The following FCN2 variants were observed in gnomAD, a reference collection of about 807,000 sequenced individuals.
The protein encoded by FCN2 is ficolin 2, also known as ficolin-2.
Under a neutral mutation model 32.5 loss-of-function variants are expected in FCN2, and 31 were observed. The observed-to-expected ratio is 0.96, with a 90% CI of 0.72 to 1.29. The LOEUF (loss-of-function observed/expected upper bound fraction) is 1.29, where lower values mean the gene tolerates loss of function less well. Among genes scored for constraint, FCN2 ranks in the 50% most tolerant of loss-of-function variants. The pLI is 0.00. For missense variants in FCN2, 412 were observed against 406.5 expected, an observed-to-expected ratio of 1.01 and a Z score of -0.12; for synonymous variants, 181 against 164.5, an observed-to-expected ratio of 1.10 and a Z score of -0.77.
upstream of FCN2, among the ~76,000 whole-genome samples, chr9:134,879,965 C>T (rs537459361): frequency 1.3e-5 from 2 of 152,212 alleles, no homozygotes; most frequent in African/African-American, 4.8e-5. Context: ...CAGTCCAAGG[C>T]GAGAGTGCAC....
In FCN2 at chr9:134,885,969, G is replaced by T. The variant is rs1588645559; in HGVS notation, c.559+72G>T. Reference sequence around the variant, plus strand: ...TGCCCCTGCCTCTTGGGCCTGGGCTGCCTGGAACACAAGAGCCTCTTGGCC... The same window carrying T: ...TGCCCCTGCCTCTTGGGCCTGGGCTTCCTGGAACACAAGAGCCTCTTGGCC... On this transcript the variant is annotated intron_variant, in intron 6 of 7. Coordinates refer to ENST00000291744, the MANE Select transcript of FCN2 (RefSeq NM_004108.3). 7 of 1,476,590 alleles carry T rather than the reference G, an allele frequency of 4.7e-6. No homozygotes were observed. The East Asian group carries it at 1.4e-4, about 29-fold the overall frequency. 91.5% of individuals were successfully genotyped at this position (1,476,590 alleles called of 1,614,324 possible).
At chr9:134,870,554 G>T in the FCN2 span, among the ~76,000 whole-genome samples, 5 of 152,134 alleles carry the variant, frequency 3.3e-5, no homozygotes, top group African/African-American at 9.7e-5. The surrounding 1 kb of genome is among the most constrained non-coding windows in gnomAD (Gnocchi z 4.3). Flanking sequence ...GCCCTCGGGG[G>T]GTGCCCTGGG....
chr9:134,879,378 A>G (rs943100157), upstream of FCN2, among the ~76,000 whole-genome samples: 37 of 152,166 alleles, frequency 2.4e-4, no homozygotes, highest in Admixed American at 2.3e-3. Flanking sequence ...TAAGTCATCT[A>G]GGTTTGAAAG....
chr9:134,879,830 G>T (rs1022094666), upstream of FCN2, among the ~76,000 whole-genome samples: 2 of 152,166 alleles, frequency 1.3e-5, no homozygotes, highest in Admixed American at 1.3e-4. Context: ...TCGGCATCCC[G>T]ATGGCAGCAG....
chr9:134,882,373 C>T (rs1389679759), intron 1 of FCN2, among the ~76,000 whole-genome samples, 153 bp from the exon 2 acceptor site: 1 of 152,240 alleles, frequency 6.6e-6, no homozygotes, highest in Non-Finnish European at 1.5e-5. Context: ...CCAGGTGACC[C>T]TCCAGCTGAG....
At chr9:134,877,817 G>C (rs1254971850), upstream of FCN2, among the ~76,000 whole-genome samples, 1 of 152,178 alleles carries the variant, frequency 6.6e-6, no homozygotes, top group Non-Finnish European at 1.5e-5. Context: ...GTGTGGGAGG[G>C]AAACTTCTGG....
the FCN2 span, among the ~76,000 whole-genome samples, chr9:134,870,408 G>T: frequency 6.6e-6 from 1 of 152,138 alleles, no homozygotes; most frequent in Non-Finnish European, 1.5e-5. This position sits in a 1 kb window ranked among gnomAD's most constrained non-coding sequence, Gnocchi z 4.3. Context: ...CCCAGCCCCA[G>T]CCTTCACCCC....
chr9:134,865,019 G>A, the FCN2 span, among the ~76,000 whole-genome samples: 1 of 152,208 alleles, frequency 6.6e-6, no homozygotes. Flanking sequence ...GGGCGTACAG[G>A]GCGCTGGCGG....
Position 134,885,245 on chromosome 9 carries a change from G to C in FCN2, c.308G>C (p.Arg103Pro), listed in dbSNP as rs372229544. 1.2e-6 allele frequency: 2 copies of C among 1,614,044 alleles called. No homozygotes were observed. Among genetic ancestry groups the C allele is most frequent in the Non-Finnish European group, 1.7e-6 (2 of 1,179,998 alleles). The change falls in exon 5 of 8, where the codon CGT (arginine) becomes CCT (proline). Residue 103 changes from arginine to proline, a missense_variant. Transcript: ENST00000291744. Reference protein sequence around the residue: ...GEPQPCLTGPRTCKDLLDRGH... With the variant: ...GEPQPCLTGPPTCKDLLDRGH... Reference sequence around the variant, plus strand: ...CCCCGGGTTCCCTTCCCAGGCCCGCGTACCTGCAAGGACCTGCTAGACCGA... The same window carrying C: ...CCCCGGGTTCCCTTCCCAGGCCCGCCTACCTGCAAGGACCTGCTAGACCGA...
chr9:134,871,081 A>G, the FCN2 span, among the ~76,000 whole-genome samples: 251 of 152,194 alleles, frequency 1.6e-3, 3 homozygotes, highest in East Asian at 0.042. Context: ...CCTTGTACTT[A>G]TTGATTGATT....
chr9:134,886,496 C>T lies in FCN2; in HGVS notation c.626C>T (p.Ser209Leu). The change falls in exon 7 of 8, where the codon TCA becomes TTA. Residue 209 changes from serine to leucine, a missense_variant. By Grantham distance (145) the Ser-to-Leu change is moderately radical. Coordinates refer to ENST00000291744, the MANE Select transcript of FCN2 (RefSeq NM_004108.3). Reference sequence around the variant, plus strand: ...AACTACCAGTTTGCTAAGTACAGATCATTCAAGGTGGCCGACGAGGCGGAG... The same window carrying T: ...AACTACCAGTTTGCTAAGTACAGATTATTCAAGGTGGCCGACGAGGCGGAG... Reference protein sequence around the residue: ...EDNYQFAKYRSFKVADEAEKY... With the variant: ...EDNYQFAKYRLFKVADEAEKY... 1 of 1,614,188 alleles carries T rather than the reference C, an allele frequency of 6.2e-7. No individual in the cohort carries two copies. The highest frequency in any genetic ancestry group is 8.5e-7 in the Non-Finnish European group (1 of 1,180,016).
the FCN2 span, among the ~76,000 whole-genome samples, chr9:134,872,584 C>T: frequency 2.0e-5 from 3 of 152,188 alleles, no homozygotes; most frequent in Non-Finnish European, 4.4e-5. Flanking sequence ...ACCATCATCG[C>T]AGAAGGCAAA....
intron 3 of FCN2, among the ~76,000 whole-genome samples, chr9:134,884,291 C>T (rs1017331413): frequency 6.6e-5 from 10 of 152,174 alleles, no homozygotes; most frequent in African/African-American, 2.4e-4. Flanking sequence ...AATAAGACCA[C>T]CCTACACTCA....
chr9:134,886,635 A>G (rs1486627019), intron 7 of FCN2, 71 bp downstream of exon 7: 3 of 1,570,996 alleles, frequency 1.9e-6, no homozygotes, highest in African/African-American at 2.7e-5. Context: ...GAGCGTGCTC[A>G]GTGTCCTGGT....
chr9:134,873,898 T>G, the FCN2 span, among the ~76,000 whole-genome samples: 3 of 46,526 alleles, frequency 6.4e-5, no homozygotes, highest in African/African-American at 3.1e-4. Context: ...TTTTGTTTTT[T>G]GTTTTTTTTT....
chr9:134,869,526 C>T, the FCN2 span, among the ~76,000 whole-genome samples: 8 of 152,204 alleles, frequency 5.3e-5, no homozygotes, highest in Admixed American at 3.9e-4. Flanking sequence ...GGGCTCAGAC[C>T]CCCGCAGGCT....
At chr9:134,873,078 C>T in the FCN2 span, among the ~76,000 whole-genome samples, 1 of 151,820 alleles carries the variant, frequency 6.6e-6, no homozygotes, top group Non-Finnish European at 1.5e-5. Context: ...ACATCTTCTT[C>T]AGTGAAGCAT....
At chr9:134,887,133 T>G in intron 7 of FCN2, 35 bp from the exon 8 acceptor site, 1 of 1,613,100 alleles carries the variant, frequency 6.2e-7, no homozygotes, top group Non-Finnish European at 8.5e-7. Context: ...ATGATGTTAC[T>G]GCCTGTAACG....
chr9:134,885,432 G>T lies in FCN2; in HGVS notation c.429+66G>T, dbSNP rs1443525593. ...CCGGAGGCCAGGCTGCACACCTGGT[G>T]GGAGAACACACTCTGGAATTCTCTA... On this transcript the variant is annotated intron_variant, in intron 5 of 7. Transcript: ENST00000291744. 6.5e-5 allele frequency: 103 copies of T among 1,590,786 alleles called. 1 individual carries two copies. In the East Asian group the frequency reaches 1.8e-3, roughly 27 times the overall value.
Sources: allele counts gnomAD v4.1 joint callset (sites outside exome capture counted in the v4.1 genomes callset), GRCh38; gene constraint gnomAD v4.1.1; non-coding constraint Gnocchi (gnomAD v3.1); transcripts MANE v1.5; gene names NCBI Gene and HGNC (gene_info 2026-07-23, HGNC 2026-07-21).